The following ERO1A variants were observed in gnomAD, a reference collection of about 807,000 sequenced individuals.
The protein encoded by ERO1A is ERO1-like protein alpha.
Under a neutral mutation model 76.9 loss-of-function variants are expected in ERO1A, and 49 were observed. The observed-to-expected ratio is 0.64, with a 90% confidence interval of 0.51 to 0.81. The LOEUF (loss-of-function observed/expected upper bound fraction) is 0.81, where lower values mean the gene tolerates loss of function less well. Among genes scored for constraint, ERO1A ranks in the 30% least tolerant of loss-of-function variants. The probability of loss-of-function intolerance (pLI) is 0.00; values close to 1 mark genes in which losing one functional copy is unlikely to be tolerated. For synonymous variants in ERO1A, 174 were observed against 181.2 expected, an observed-to-expected ratio of 0.96 and a Z score of 0.32; for missense variants, 448 against 542.1, an observed-to-expected ratio of 0.83 and a Z score of 1.72.
At position 52,674,880 on chromosome 14, in the gene ERO1A, T is replaced by A. The variant is rs116134218; in HGVS notation, c.358-3009A>T. Among the ~76,000 whole-genome samples the A allele has an allele frequency of 2.6e-3, 401 of 152,342 alleles. 2 individuals carry two copies. Among genetic ancestry groups the A allele is most frequent in the African/African-American group, 9.3e-3 (386 of 41,576 alleles). ...GCACATTTCATTGTATGGTAATACT[T>A]TTATTAAAAGCACATATAAACAAAT... On this transcript the variant is annotated intron_variant, in intron 4 of 15. Transcript: ENST00000395686.
intron 13 of ERO1A, among the ~76,000 whole-genome samples, chr14:52,651,106 C>CA (rs5808681): frequency 2.2e-4 from 23 of 102,330 alleles, no homozygotes; most frequent in South Asian, 3.4e-4. Flanking sequence ...CTGTTTCTAC[C>CA]AAAAAAAAAA....
intron 1 of ERO1A, among the ~76,000 whole-genome samples, chr14:52,690,313 A>G (rs1487467925): frequency 2.0e-5 from 3 of 152,230 alleles, no homozygotes; most frequent in African/African-American, 7.2e-5. Context: ...CAAAGAAACA[A>G]GCAACAAAAT....
At chr14:52,656,475 C>G (rs1266899875) in intron 11 of ERO1A, among the ~76,000 whole-genome samples, 1 of 152,128 alleles carries the variant, frequency 6.6e-6, no homozygotes, top group Non-Finnish European at 1.5e-5. Context: ...CTTTGGGAGG[C>G]CAAGGCGGGT....
chr14:52,678,107 A>G (rs897040229), intron 4 of ERO1A, among the ~76,000 whole-genome samples: 1 of 152,098 alleles, frequency 6.6e-6, no homozygotes, highest in African/African-American at 2.4e-5. Flanking sequence ...CTCTACTAAA[A>G]ATATAAAAAT....
At chr14:52,676,284 GTTATCAAT>G (rs2040780828) in intron 4 of ERO1A, among the ~76,000 whole-genome samples, 1 of 152,134 alleles carries the variant, frequency 6.6e-6, no homozygotes, top group African/African-American at 2.4e-5. Context: ...TAACTACACA[GTTATCAAT>G]TTATCAATAA....
chr14:52,675,280 G>T (rs926924185), intron 4 of ERO1A, among the ~76,000 whole-genome samples: 1 of 152,072 alleles, frequency 6.6e-6, no homozygotes, highest in Non-Finnish European at 1.5e-5. Flanking sequence ...CTACTCGGGA[G>T]GCTGAGGCAG....
At chr14:52,677,928 A>AT (rs933124053) in intron 4 of ERO1A, among the ~76,000 whole-genome samples, 2 of 150,502 alleles carry the variant, frequency 1.3e-5, no homozygotes, top group Non-Finnish European at 3.0e-5. Flanking sequence ...TTTCAGATAC[A>AT]TTTTTTCCTC....
intron 4 of ERO1A, among the ~76,000 whole-genome samples, chr14:52,672,959 A>G (rs2139721433): frequency 6.6e-6 from 1 of 152,314 alleles, no homozygotes; most frequent in African/African-American, 2.4e-5. Context: ...AAACACATTT[A>G]TAACATTTCA....
chr14:52,678,389 T>A (rs2040872849), intron 4 of ERO1A, 45 bp downstream of exon 4: 6 of 1,558,002 alleles, frequency 3.9e-6, no homozygotes, highest in Non-Finnish European at 5.3e-6. Flanking sequence ...GTTTTTCAAG[T>A]TTTTCATTAA....
intron 13 of ERO1A, among the ~76,000 whole-genome samples, chr14:52,649,627 T>C (rs1394101953): frequency 1.3e-5 from 2 of 151,884 alleles, no homozygotes; most frequent in African/African-American, 2.4e-5. Flanking sequence ...CAGAACACTT[T>C]CCAATAAAGC....
intron 6 of ERO1A, among the ~76,000 whole-genome samples, chr14:52,667,740 G>C (rs929128832): frequency 3.3e-5 from 5 of 151,992 alleles, no homozygotes; most frequent in African/African-American, 9.7e-5. Context: ...ATGGGCCATA[G>C]TCCTCCAGTG....
At chr14:52,665,258 C>T (rs923867741) in intron 7 of ERO1A, among the ~76,000 whole-genome samples, 2 of 140,444 alleles carry the variant, frequency 1.4e-5, no homozygotes, top group African/African-American at 2.7e-5. Context: ...GCAGAGATGA[C>T]GTCACTGCAG....
At position 52,695,532 on chromosome 14, in the gene ERO1A, T is replaced by C. The variant is rs894617039; in HGVS notation, c.-51A>G. The stretch of plus-strand genomic sequence containing the variant: ...ACGCTTGGGAGGCCAGTCCGCACGC[T>C]CGGTCGCGGGCCGTGCGCCCTCAGA... On this transcript the variant is annotated 5_prime_UTR_variant, in exon 1 of 16. Transcript: ENST00000395686. 1.1e-5 allele frequency: 15 copies of C among 1,348,646 alleles called. 1 individual carries two copies. The Admixed American group carries it at 3.8e-4, about 34-fold the overall frequency. The allele number at this position is 1,348,646 out of a possible 1,614,324, so 83.5% of individuals were successfully genotyped here.
At chr14:52,651,463 A>G (rs2039865350) in intron 13 of ERO1A, among the ~76,000 whole-genome samples, 1 of 121,664 alleles carries the variant, frequency 8.2e-6, no homozygotes, top group South Asian at 3.1e-4. Context: ...ATATGAGATC[A>G]TCAATGTGAA....
chr14:52,666,693 G>A (rs2040422849), intron 6 of ERO1A, among the ~76,000 whole-genome samples, 198 bp from the exon 7 acceptor site: 2 of 152,216 alleles, frequency 1.3e-5, no homozygotes, highest in Non-Finnish European at 2.9e-5. Flanking sequence ...CACTTTGGGA[G>A]GCCAAGGTGG....
chr14:52,656,145 T>C (rs1039076301), intron 11 of ERO1A, among the ~76,000 whole-genome samples: 1 of 152,178 alleles, frequency 6.6e-6, no homozygotes, highest in African/African-American at 2.4e-5. Context: ...CCCTCCTGTC[T>C]CCTAAATACC....
At chr14:52,679,507 G>C (rs1223235994) in intron 3 of ERO1A, among the ~76,000 whole-genome samples, 1 of 151,638 alleles carries the variant, frequency 6.6e-6, no homozygotes, top group South Asian at 2.1e-4. Context: ...CCGCCTCCTG[G>C]GTTCAAATGA....
At chr14:52,670,683 T>A (rs1174086467) in intron 6 of ERO1A, among the ~76,000 whole-genome samples, 1 of 152,198 alleles carries the variant, frequency 6.6e-6, no homozygotes, top group Non-Finnish European at 1.5e-5. Flanking sequence ...GGAATATACA[T>A]AACAATCCAA....
At chr14:52,692,834 G>A (rs183204374) in intron 1 of ERO1A, among the ~76,000 whole-genome samples, 1 of 151,146 alleles carries the variant, frequency 6.6e-6, no homozygotes, top group Admixed American at 6.6e-5. Flanking sequence ...CTCTCATGCT[G>A]TTTCTCTGTG....
Sources: gnomAD v4.1 joint callset for allele counts (sites outside exome capture counted in the v4.1 genomes callset) on GRCh38, gnomAD v4.1.1 for gene constraint, MANE v1.5 for transcripts, NCBI Gene and HGNC (gene_info 2026-07-23, HGNC 2026-07-21) for gene names.